MYO1E: variants seen among roughly 807,000 people sequenced by gnomAD.
MYO1E encodes the protein myosin IE.
MYO1E carries 68 observed loss-of-function variants against 151.1 expected under a neutral mutation model. The ratio of observed to expected loss-of-function variants is 0.45; its 90% CI spans 0.37 to 0.55. MYO1E has a LOEUF of 0.55. Among genes scored for constraint, MYO1E ranks in the 20% least tolerant of loss-of-function variants. MYO1E has a pLI of 0.00. For synonymous variants in MYO1E, 601 were observed against 501.7 expected, an observed-to-expected ratio of 1.20 and a Z score of -2.64; for missense variants, 1,363 against 1,389.3, an observed-to-expected ratio of 0.98 and a Z score of 0.30.
chr15:59,369,882 GAC>G (rs2080934927), intron 1 of MYO1E, among the ~76,000 whole-genome samples: 1 of 152,058 alleles, frequency 6.6e-6, no homozygotes, highest in African/African-American at 2.4e-5. Context: ...CTTCCTAAAA[GAC>G]ACACGCACAC....
intron 1 of MYO1E, among the ~76,000 whole-genome samples, chr15:59,352,031 G>A (rs1294991457): frequency 6.6e-6 from 1 of 152,172 alleles, no homozygotes; most frequent in African/African-American, 2.4e-5. Flanking sequence ...AGTTCAGAGG[G>A]ATCAGTAATG....
At chr15:59,237,981 C>A (rs889553847) in intron 4 of MYO1E, among the ~76,000 whole-genome samples, 1 of 152,118 alleles carries the variant, frequency 6.6e-6, no homozygotes, top group South Asian at 2.1e-4. Context: ...TCATGACCTG[C>A]AAAAGTCTGA....
intron 1 of MYO1E, among the ~76,000 whole-genome samples, chr15:59,316,249 GC>G (rs2080588161): frequency 1.3e-5 from 2 of 152,342 alleles, no homozygotes; most frequent in South Asian, 4.1e-4. Context: ...CTTTGCTGAA[GC>G]CAAATCATTC....
At chr15:59,216,291 C>T (rs1037810634) in intron 10 of MYO1E, among the ~76,000 whole-genome samples, 11 of 151,786 alleles carry the variant, frequency 7.2e-5, no homozygotes, top group South Asian at 4.2e-4. Flanking sequence ...ATTCCTTAAT[C>T]GATCTATGCC....
At chr15:59,248,561 G>A (rs550152957) in intron 4 of MYO1E, among the ~76,000 whole-genome samples, 1 of 151,716 alleles carries the variant, frequency 6.6e-6, no homozygotes, top group African/African-American at 2.4e-5. Context: ...AGTGGGCTGA[G>A]GAGGAAGGCA....
At chr15:59,366,997 CAAAAAAAA>C (rs66848377) in intron 1 of MYO1E, among the ~76,000 whole-genome samples, 3 of 28,630 alleles carry the variant, frequency 1.0e-4, no homozygotes, top group South Asian at 1.5e-3. Context: ...TGCATTTTCG[CAAAAAAAA>C]AAAAAAAAAA....
At chr15:59,237,401 A>T (rs1233881541) in intron 4 of MYO1E, among the ~76,000 whole-genome samples, 2 of 152,152 alleles carry the variant, frequency 1.3e-5, no homozygotes, top group African/African-American at 4.8e-5. Context: ...CTGCATGGGG[A>T]GAGCCTTTTG....
chr15:59,340,941 C>T (rs1260636224), intron 1 of MYO1E, among the ~76,000 whole-genome samples: 3 of 140,580 alleles, frequency 2.1e-5, no homozygotes, highest in Non-Finnish European at 4.5e-5. Flanking sequence ...AAAGCTTGAA[C>T]AGGGGAGGCA....
chr15:59,187,941 C>T (rs897387426), intron 18 of MYO1E, among the ~76,000 whole-genome samples, 177 bp downstream of exon 18: 2 of 152,208 alleles, frequency 1.3e-5, no homozygotes, highest in African/African-American at 4.8e-5. Context: ...CAAAGGGAAG[C>T]GTGATTTCTT....
Position 59,276,445 on chromosome 15 carries a change from C to T in MYO1E, c.4-3996G>A, listed in dbSNP as rs544092301. Among the ~76,000 whole-genome samples the T allele has an allele frequency of 7.4e-4, 113 of 152,220 alleles. No individual in the cohort carries two copies. In the South Asian group the frequency reaches 0.021, roughly 28 times the overall value. On this transcript the variant is annotated intron_variant, in intron 1 of 27. Transcript: ENST00000288235. ...AGGGCAGTGGCGGGCGTGCCAGCTA[C>T]GACATGAACGTAATAATAACAATAA...
chr15:59,262,313 A>C (rs1596389762), intron 2 of MYO1E, among the ~76,000 whole-genome samples: 1 of 152,246 alleles, frequency 6.6e-6, no homozygotes, highest in East Asian at 1.9e-4. Flanking sequence ...ATTAAAAGGC[A>C]TCAATGAGGT....
chr15:59,166,576 G>C (rs1322146638), intron 22 of MYO1E, among the ~76,000 whole-genome samples: 1 of 151,500 alleles, frequency 6.6e-6, no homozygotes, highest in South Asian at 2.1e-4. Flanking sequence ...AAGCTGAAAA[G>C]GCAATTTCCA....
chr15:59,341,741 T>C (rs2080767027), intron 1 of MYO1E, among the ~76,000 whole-genome samples: 1 of 152,216 alleles, frequency 6.6e-6, no homozygotes, highest in Admixed American at 6.5e-5. Flanking sequence ...ATCTTCTTTA[T>C]GTGATGAATG....
At chr15:59,340,414 G>A (rs1442517087) in intron 1 of MYO1E, among the ~76,000 whole-genome samples, 1 of 151,718 alleles carries the variant, frequency 6.6e-6, no homozygotes, top group East Asian at 1.9e-4. Flanking sequence ...GTGATGTGCT[G>A]TGTTTTTGTT....
intron 1 of MYO1E, among the ~76,000 whole-genome samples, chr15:59,284,567 A>C (rs1435758533): frequency 6.6e-6 from 1 of 151,440 alleles, no homozygotes; most frequent in African/African-American, 2.4e-5. Context: ...CTCCCTCCTC[A>C]GCTTCCCTAG....
At chr15:59,231,843 A>C (rs1566986881) in intron 5 of MYO1E, 52 bp from the exon 6 acceptor site, 10 of 1,588,868 alleles carry the variant, frequency 6.3e-6, no homozygotes, top group Non-Finnish European at 7.8e-6. Flanking sequence ...CCTACCACAC[A>C]GTGTACGCCA....
intron 1 of MYO1E, among the ~76,000 whole-genome samples, chr15:59,336,377 A>C (rs2080728435): frequency 6.6e-6 from 1 of 152,176 alleles, no homozygotes. Context: ...TCTCAAAAAA[A>C]AGAAAAGAAA....
At chr15:59,195,704 A>T in intron 16 of MYO1E, 137 bp from the exon 17 acceptor site, 1 of 862,204 alleles carries the variant, frequency 1.2e-6, no homozygotes, top group Non-Finnish European at 1.9e-6. Context: ...GTTAAGCATA[A>T]CTCAGGTCTA....
intron 9 of MYO1E, among the ~76,000 whole-genome samples, chr15:59,218,752 T>C (rs1443249568): frequency 6.6e-6 from 1 of 152,186 alleles, no homozygotes; most frequent in Non-Finnish European, 1.5e-5. Flanking sequence ...CAGGAAGATA[T>C]TACTACTTGC....
Sources: allele counts gnomAD v4.1 joint callset (sites outside exome capture counted in the v4.1 genomes callset), GRCh38; gene constraint gnomAD v4.1.1; transcripts MANE v1.5; gene names NCBI Gene and HGNC (gene_info 2026-07-23, HGNC 2026-07-21).